The following PXK variants were observed in gnomAD, a reference collection of about 807,000 sequenced individuals.
PXK encodes PX domain-containing protein kinase-like protein.
Under a neutral mutation model 84.7 loss-of-function variants are expected in PXK, and 35 were observed. That is an observed-to-expected ratio of 0.41 (90% CI 0.32 to 0.55). The LOEUF (loss-of-function observed/expected upper bound fraction) is 0.55, where lower values mean the gene tolerates loss of function less well. Among genes scored for constraint, PXK ranks in the 20% least tolerant of loss-of-function variants. The probability of loss-of-function intolerance (pLI) is 0.21; values close to 1 mark genes in which losing one functional copy is unlikely to be tolerated. For missense variants in PXK, 634 were observed against 699.7 expected, an observed-to-expected ratio of 0.91 and a Z score of 1.06; for synonymous variants, 253 against 260.8, an observed-to-expected ratio of 0.97 and a Z score of 0.29.
At chr3:58,374,289 G>A (rs904144984) in intron 3 of PXK, among the ~76,000 whole-genome samples, 3 of 151,274 alleles carry the variant, frequency 2.0e-5, no homozygotes, top group Non-Finnish European at 2.9e-5. Flanking sequence ...TCCTGCCTCA[G>A]CCTCCCAAGT....
intron 3 of PXK, among the ~76,000 whole-genome samples, chr3:58,381,273 CAG>C (rs888474148): frequency 6.9e-6 from 1 of 144,858 alleles, no homozygotes; most frequent in African/African-American, 2.5e-5. Context: ...AAAAAGCCAA[CAG>C]AGGTTACACT....
At chr3:58,422,103 C>T (rs751536246) in intron 17 of PXK, 9 of 985,328 alleles carry the variant, frequency 9.1e-6, no homozygotes, top group Non-Finnish European at 1.1e-5. Flanking sequence ...CCATTGTTAG[C>T]CATGTGTTGT....
At position 58,409,493 on chromosome 3, in the gene PXK, C is replaced by G; in HGVS notation, c.1309-39C>G. The G allele has an allele frequency of 6.4e-7, 1 of 1,555,518 alleles. No individual in the cohort carries two copies. The highest frequency in any genetic ancestry group is 1.4e-5 in the African/African-American group (1 of 73,048). On this transcript the variant is annotated intron_variant, in intron 14 of 17. Transcript: ENST00000356151. The surrounding 1 kb of genome is among the most constrained non-coding windows in gnomAD (Gnocchi z 4.2). ...GAGAAGATTTTCATTAGGAAGCTGC[C>G]TTATGTGGGATATGCTTACATCTTA...
intron 1 of PXK, among the ~76,000 whole-genome samples, chr3:58,337,491 T>C (rs1031268207): frequency 3.9e-5 from 6 of 152,044 alleles, no homozygotes; most frequent in Non-Finnish European, 7.4e-5. Context: ...TTTTTTTTCA[T>C]TGTGAGACAG....
chr3:58,378,510 T>TGTGTGTGTGTGTGTGTGTG (rs1448463917), intron 3 of PXK, among the ~76,000 whole-genome samples: 1 of 27,732 alleles, frequency 3.6e-5, no homozygotes, highest in African/African-American at 9.7e-5. Flanking sequence ...TTTTTTTTTT[T>TGTGTGTGTGTGTGTGTGTG]TTTGTGTGTG....
At chr3:58,423,028 G>T (rs955140471) in intron 17 of PXK, 54 of 985,228 alleles carry the variant, frequency 5.5e-5, no homozygotes, top group Non-Finnish European at 6.4e-5. Flanking sequence ...GAAGGGCACT[G>T]GCACCTACTT....
chr3:58,382,492 CTTTT>C lies in PXK; in HGVS notation c.202-8_202-5del. 11 of 1,281,196 alleles carry C rather than the reference CTTTT, an allele frequency of 8.6e-6. No homozygotes were observed. Among genetic ancestry groups the C allele is most frequent in the South Asian group, 3.6e-5 (2 of 54,926 alleles). 79.4% of individuals were successfully genotyped at this position (1,281,196 alleles called of 1,614,324 possible). A position where few individuals can be genotyped will look rare whatever the true frequency, so the allele number is the denominator to read the frequency against. On this transcript the variant is annotated intron_variant, in intron 3 of 17. Transcript: ENST00000356151. ...TTATTTGTGGATGACATGAGTGTAA[CTTTT>C]TTTTTTTTTTTTTAAAGATTGCAGG... is the stretch of plus-strand genomic sequence containing the variant.
chr3:58,354,737 C>T (rs894509512), intron 1 of PXK, among the ~76,000 whole-genome samples: 4 of 151,988 alleles, frequency 2.6e-5, no homozygotes, highest in Non-Finnish European at 5.9e-5. Context: ...CATGAGCCAC[C>T]GCGCCTGGCC....
At chr3:58,410,412 C>G (rs2060024794) in intron 16 of PXK, among the ~76,000 whole-genome samples, 2 of 152,206 alleles carry the variant, frequency 1.3e-5, no homozygotes, top group African/African-American at 2.4e-5. Flanking sequence ...ACTTGATCAT[C>G]TAAAGACACA....
At chr3:58,336,843 G>C (rs748767426) in intron 1 of PXK, among the ~76,000 whole-genome samples, 1 of 151,900 alleles carries the variant, frequency 6.6e-6, no homozygotes, top group East Asian at 1.9e-4. Flanking sequence ...ACAGAGTCTC[G>C]CTCTGTCACC....
chr3:58,421,505 G>A lies in PXK; in HGVS notation c.1529-3247G>A, dbSNP rs563941670. On this transcript the variant is annotated intron_variant, in intron 17 of 17. Transcript: ENST00000356151. The surrounding 1 kb of genome is among the most constrained non-coding windows in gnomAD (Gnocchi z 5.5). ...CTGAGGCAGAGAATCACTTGAACCCGGGAGGCGGAGCTTGCAGTGAGCCGA... is the reference window on the plus strand; with the variant it reads ...CTGAGGCAGAGAATCACTTGAACCCAGGAGGCGGAGCTTGCAGTGAGCCGA... 6.9e-5 allele frequency: 60 copies of A among 869,282 alleles called. No homozygotes were observed. The African/African-American group carries it at 7.3e-4, about 11-fold the overall frequency. 53.8% of individuals were successfully genotyped at this position (869,282 alleles called of 1,614,324 possible).
chr3:58,372,079 G>A (rs780847131), intron 3 of PXK, among the ~76,000 whole-genome samples: 40 of 151,832 alleles, frequency 2.6e-4, no homozygotes, highest in Non-Finnish European at 4.7e-4. Flanking sequence ...ATAGGAACAT[G>A]TCTAAGTGAA....
intron 3 of PXK, among the ~76,000 whole-genome samples, chr3:58,375,989 A>G (rs6774577): frequency 0.29 from 44,536 of 152,194 alleles, 7,305 homozygotes; most frequent in Middle Eastern, 0.39. Context: ...TCTTGTTTTT[A>G]TTAATCTTTC....
In PXK at chr3:58,379,597, A is replaced by G. The variant is rs990117598; in HGVS notation, c.202-2917A>G. 6.6e-6 allele frequency: 1 copy of G among 152,520 alleles called. No homozygotes were observed. The highest frequency in any genetic ancestry group is 2.4e-5 in the African/African-American group (1 of 41,458). 9.4% of individuals were successfully genotyped at this position (152,520 alleles called of 1,614,324 possible). On this transcript the variant is annotated intron_variant, in intron 3 of 17. Transcript: ENST00000356151. This position sits in a 1 kb window ranked among gnomAD's most constrained non-coding sequence, Gnocchi z 5.1. ...AAGGAACCATCAGGAAGCAGAAGGT[A>G]TGCAGTGAGAAGAATGCTTTAGACT...
intron 3 of PXK, among the ~76,000 whole-genome samples, chr3:58,377,184 T>C (rs1371741544): frequency 6.6e-6 from 1 of 151,726 alleles, no homozygotes; most frequent in East Asian, 1.9e-4. Flanking sequence ...ATTTTCGTAA[T>C]TATATTTGAG....
intron 2 of PXK, among the ~76,000 whole-genome samples, chr3:58,367,467 G>A (rs1449314409): frequency 1.3e-5 from 2 of 151,962 alleles, no homozygotes; most frequent in South Asian, 2.1e-4. Flanking sequence ...GGATGTTCTC[G>A]ATGTCCTGAC....
intron 1 of PXK, among the ~76,000 whole-genome samples, chr3:58,362,344 A>G (rs1397772718): frequency 6.6e-6 from 1 of 152,164 alleles, no homozygotes; most frequent in Non-Finnish European, 1.5e-5. Flanking sequence ...TTTTACATTT[A>G]AGTACATAAT....
chr3:58,421,239 A>G lies in PXK; in HGVS notation c.1529-3513A>G, dbSNP rs923021617. On this transcript the variant is annotated intron_variant, in intron 17 of 17. Coordinates refer to ENST00000356151, the MANE Select transcript of PXK (RefSeq NM_017771.5). The surrounding 1 kb of genome is among the most constrained non-coding windows in gnomAD (Gnocchi z 5.5). ...TGACCACAAAGGAGCTCAGAATTAG[A>G]GAGACTGTAGATTACCCACTGCTGG... 1 of 985,252 alleles carries G rather than the reference A, an allele frequency of 1.0e-6. No homozygotes were observed. Among genetic ancestry groups the G allele is most frequent in the Admixed American group, 6.1e-5 (1 of 16,264 alleles). 61.0% of individuals were successfully genotyped at this position (985,252 alleles called of 1,614,324 possible). A position where few individuals can be genotyped will look rare whatever the true frequency, so the allele number is the denominator to read the frequency against.
At position 58,408,848 on chromosome 3, in the gene PXK, C is replaced by T. The variant is rs2059774960; in HGVS notation, c.1231-76C>T. The T allele has an allele frequency of 3.5e-6, 4 of 1,141,906 alleles. No homozygotes were observed. In the Admixed American group the frequency reaches 7.3e-5, roughly 21 times the overall value. 70.7% of individuals were successfully genotyped at this position (1,141,906 alleles called of 1,614,324 possible). ...AAATGACTCTTGATAACCACCTGCT[C>T]CTTCATTTACTCCAGGACTTGGAAG... On this transcript the variant is annotated intron_variant, in intron 13 of 17. Transcript: ENST00000356151.
Sources: allele counts gnomAD v4.1 joint callset (sites outside exome capture counted in the v4.1 genomes callset), GRCh38; gene constraint gnomAD v4.1.1; non-coding constraint Gnocchi (gnomAD v3.1); transcripts MANE v1.5; gene names NCBI Gene and HGNC (gene_info 2026-07-23, HGNC 2026-07-21).